RPSA2: variants seen among roughly 807,000 people sequenced by gnomAD.
RPSA2 encodes the protein ribosomal protein SA 2.
the RPSA2 span, among the ~76,000 whole-genome samples, chr19:23,865,188 TA>T: frequency 6.6e-6 from 1 of 152,118 alleles, no homozygotes; most frequent in Non-Finnish European, 1.5e-5. Flanking sequence ...GTCAGTGCTC[TA>T]AAAAAGTACT....
the RPSA2 span, among the ~76,000 whole-genome samples, chr19:23,860,603 C>A: frequency 6.6e-6 from 1 of 152,080 alleles, no homozygotes; most frequent in African/African-American, 2.4e-5. Context: ...TGCAAGCTTG[C>A]TGATAGTGAT....
the RPSA2 span, among the ~76,000 whole-genome samples, chr19:23,761,657 A>G: frequency 4.6e-5 from 7 of 151,138 alleles, no homozygotes; most frequent in African/African-American, 1.5e-4. Flanking sequence ...AATGTGACCC[A>G]ATATTTCCTC....
At chr19:23,783,964 T>C in the RPSA2 span, among the ~76,000 whole-genome samples, 1 of 152,168 alleles carries the variant, frequency 6.6e-6, no homozygotes, top group Non-Finnish European at 1.5e-5. Flanking sequence ...ATGTGACTCT[T>C]CTGCCTGGTG....
the RPSA2 span, among the ~76,000 whole-genome samples, chr19:23,863,549 A>T: frequency 7.5e-6 from 1 of 132,810 alleles, no homozygotes; most frequent in East Asian, 2.2e-4. Context: ...GGGAGACAAG[A>T]GTGAGATTCC....
the RPSA2 span, among the ~76,000 whole-genome samples, chr19:23,785,008 A>G: frequency 1.3e-5 from 2 of 152,320 alleles, no homozygotes; most frequent in Admixed American, 1.3e-4. Context: ...TCATTCCTGG[A>G]CTTTCTTTCA....
the RPSA2 span, among the ~76,000 whole-genome samples, chr19:23,786,810 C>G: frequency 6.6e-6 from 1 of 151,972 alleles, no homozygotes; most frequent in Non-Finnish European, 1.5e-5. Flanking sequence ...TATTGCTGAA[C>G]TCAACACCTA....
chr19:23,832,825 G>C, the RPSA2 span: 1 of 1,576,424 alleles, frequency 6.3e-7, no homozygotes, highest in Non-Finnish European at 8.7e-7. Context: ...ATGTGGCAAA[G>C]CTTTCAGCCA....
the RPSA2 span, chr19:23,809,379 G>A: frequency 6.6e-6 from 1 of 151,770 alleles, no homozygotes; most frequent in African/African-American, 2.4e-5. Context: ...ATGTTTTAGG[G>A]TTGTGTTTTT....
the RPSA2 span, among the ~76,000 whole-genome samples, chr19:23,833,529 A>G: frequency 5.3e-5 from 8 of 152,278 alleles, no homozygotes; most frequent in South Asian, 1.7e-3. Flanking sequence ...TAGGTAAGGT[A>G]ATTCATACTG....
chr19:23,842,811 A>G, the RPSA2 span: 1 of 152,210 alleles, frequency 6.6e-6, no homozygotes. Flanking sequence ...GGTTTATTGA[A>G]ATAGAAAAGA....
At chr19:23,780,434 G>A in the RPSA2 span, among the ~76,000 whole-genome samples, 2 of 152,070 alleles carry the variant, frequency 1.3e-5, no homozygotes, top group African/African-American at 2.4e-5. Flanking sequence ...ACAAGGTCAG[G>A]AGATCGAGAC....
the RPSA2 span, chr19:23,833,138 A>G: frequency 1.1e-5 from 13 of 1,206,166 alleles, no homozygotes; most frequent in Non-Finnish European, 1.4e-5. Flanking sequence ...TTAAAACCCT[A>G]CAAATGGGAA....
the RPSA2 span, among the ~76,000 whole-genome samples, chr19:23,869,189 T>C: frequency 0.98 from 148,888 of 152,232 alleles, 72,905 homozygotes; most frequent in Middle Eastern, 1. Flanking sequence ...CCCCTATGTC[T>C]GGCTCCCCCG....
the RPSA2 span, among the ~76,000 whole-genome samples, chr19:23,807,146 A>T: frequency 2.6e-5 from 4 of 152,168 alleles, no homozygotes; most frequent in African/African-American, 9.6e-5. Context: ...ATGTCCATAC[A>T]CCATCACATT....
chr19:23,764,843 C>G, the RPSA2 span, among the ~76,000 whole-genome samples: 1 of 151,976 alleles, frequency 6.6e-6, no homozygotes, highest in East Asian at 1.9e-4. Context: ...TTTATCTTCC[C>G]TAGGCACACA....
At chr19:23,767,373 C>T in the RPSA2 span, among the ~76,000 whole-genome samples, 3 of 152,322 alleles carry the variant, frequency 2.0e-5, no homozygotes, top group African/African-American at 7.2e-5. Flanking sequence ...GCCACCACGC[C>T]TGGCCTCTCA....
chr19:23,765,912 A>C, the RPSA2 span, among the ~76,000 whole-genome samples: 4 of 152,142 alleles, frequency 2.6e-5, no homozygotes, highest in African/African-American at 9.7e-5. Flanking sequence ...GTAGGAGTTT[A>C]TAGTTCATTA....
At chr19:23,777,458 C>G in the RPSA2 span, among the ~76,000 whole-genome samples, 1 of 152,148 alleles carries the variant, frequency 6.6e-6, no homozygotes, top group Non-Finnish European at 1.5e-5. Context: ...TATCCCTGGA[C>G]TTGGCACTTA....
the RPSA2 span, among the ~76,000 whole-genome samples, chr19:23,845,643 C>G: frequency 6.6e-6 from 1 of 152,312 alleles, no homozygotes; most frequent in East Asian, 1.9e-4. Flanking sequence ...AGGTGCGCAG[C>G]ACCACACCTA....
Sources: allele counts gnomAD v4.1 joint callset (sites outside exome capture counted in the v4.1 genomes callset), GRCh38; gene constraint gnomAD v4.1.1; transcripts MANE v1.5; gene names NCBI Gene and HGNC (gene_info 2026-07-23, HGNC 2026-07-21).